ERMARD: variants seen among roughly 807,000 people sequenced by gnomAD.
ERMARD encodes the protein ER membrane associated RNA degradation.
Under a neutral mutation model 83.9 loss-of-function variants are expected in ERMARD, and 71 were observed. That is an observed-to-expected ratio of 0.85 (90% CI 0.70 to 1.03). The LOEUF (loss-of-function observed/expected upper bound fraction) is 1.03, where lower values mean the gene tolerates loss of function less well. Ranked by LOEUF, ERMARD falls within the 50% of genes least tolerant of loss-of-function variation. The pLI is 0.00. For missense variants in ERMARD, 838 were observed against 810.9 expected (o/e 1.03, Z -0.41); for synonymous variants, 284 against 298.6 (o/e 0.95, Z 0.50).
chr6:169,781,063 T>C (rs1794148077), intron 17 of ERMARD, among the ~76,000 whole-genome samples: 1 of 152,206 alleles, frequency 6.6e-6, no homozygotes. Flanking sequence ...ACGGCCGTCA[T>C]GTCTGGGCTG....
At chr6:169,760,893 A>G in intron 8 of ERMARD, 137 bp downstream of exon 8, 1 of 538,262 alleles carries the variant, frequency 1.9e-6, no homozygotes. Flanking sequence ...ACCTGAAAAT[A>G]AAACACCTTC....
chr6:169,752,763 C>T (rs1167623051), intron 1 of ERMARD, among the ~76,000 whole-genome samples: 1 of 152,112 alleles, frequency 6.6e-6, no homozygotes, highest in African/African-American at 2.4e-5. Context: ...CAGGTTTATA[C>T]GATGGTCTTA....
At chr6:169,769,997 A>T (rs1391436427) in intron 12 of ERMARD, among the ~76,000 whole-genome samples, 4 of 152,242 alleles carry the variant, frequency 2.6e-5, no homozygotes, top group Non-Finnish European at 5.9e-5. Context: ...ACAAATTATA[A>T]AACAGGATTA....
chr6:169,752,853 A>G (rs1344985663), intron 1 of ERMARD, among the ~76,000 whole-genome samples: 1 of 152,242 alleles, frequency 6.6e-6, no homozygotes, highest in African/African-American at 2.4e-5. Context: ...TACTTTTTAC[A>G]TGGCAGGGAA....
chr6:169,758,946 T>G, intron 5 of ERMARD, 22 bp from the exon 6 acceptor site: 1 of 1,586,788 alleles, frequency 6.3e-7, no homozygotes, highest in Middle Eastern at 1.7e-4. Flanking sequence ...TATAATTAAC[T>G]ATGTAATGAT....
chr6:169,753,793 G>A (rs1428142972), intron 1 of ERMARD, 71 bp from the exon 2 acceptor site: 2 of 1,211,938 alleles, frequency 1.7e-6, no homozygotes, highest in African/African-American at 1.5e-5. Context: ...CTTAAGAGAT[G>A]TGTCTGAAAT....
chr6:169,751,553 C>A (rs1790079068), upstream of ERMARD: 3 of 1,610,082 alleles, frequency 1.9e-6, no homozygotes, highest in Non-Finnish European at 2.5e-6. Flanking sequence ...CTCCCACCTG[C>A]GCCTCGTACG....
At chr6:169,762,102 T>A (rs1791626984) in intron 8 of ERMARD, among the ~76,000 whole-genome samples, 1 of 152,210 alleles carries the variant, frequency 6.6e-6, no homozygotes. Flanking sequence ...GCTTGTTTTT[T>A]ACTTAGAGAG....
chr6:169,776,054 TC>T lies in ERMARD; in HGVS notation c.1511del (p.Pro504LeufsTer53), dbSNP rs1328981245. On this transcript the variant is annotated frameshift_variant, in exon 15 of 18. Transcript: ENST00000366773. LOFTEE classifies it high-confidence loss of function. ...GTGTGTTAAAGGACTTGGATCGTCT[TC>T]CTACTGAGACGTAAGTTCCAGGACA... ...RCVLKDLDRLPTETWPQLLRE... is the reference protein window; with the variant it reads ...RCVLKDLDRLXTETWPQLLRE... 5 of 1,613,856 alleles carry T rather than the reference TC, an allele frequency of 3.1e-6. No homozygotes were observed. Among genetic ancestry groups the T allele is most frequent in the South Asian group, 1.1e-5 (1 of 90,892 alleles).
chr6:169,770,554 G>A (rs987190494), intron 12 of ERMARD: 7 of 152,056 alleles, frequency 4.6e-5, no homozygotes, highest in African/African-American at 1.7e-4. Flanking sequence ...GGGCACTTAC[G>A]TAAATACTCT....
chr6:169,753,564 C>G (rs1466765447), intron 1 of ERMARD, among the ~76,000 whole-genome samples: 1 of 151,282 alleles, frequency 6.6e-6, no homozygotes, highest in African/African-American at 2.4e-5. Context: ...AAGTGAAAGG[C>G]AAGTTTATTA....
intron 8 of ERMARD, 77 bp from the exon 9 acceptor site, chr6:169,762,352 G>A: frequency 7.4e-7 from 1 of 1,346,266 alleles, no homozygotes; most frequent in Non-Finnish European, 1.1e-6. Context: ...TGGGATTACA[G>A]GCATGAGCCA....
At chr6:169,751,838 C>G in intron 1 of ERMARD, 175 bp downstream of exon 1, 1 of 974,006 alleles carries the variant, frequency 1.0e-6, no homozygotes, top group African/African-American at 1.7e-5. Context: ...CGGTATCGGA[C>G]GCTCGGCCCT....
intron 13 of ERMARD, 69 bp downstream of exon 13, chr6:169,773,471 C>G (rs903198434): frequency 6.1e-6 from 9 of 1,486,776 alleles, no homozygotes; most frequent in Admixed American, 3.4e-5. Context: ...TGCAGAGATG[C>G]TGGAAGGGTG....
chr6:169,759,798 TGAGTACATTTTTGTAACA>T, intron 6 of ERMARD, 22 bp from the exon 7 acceptor site: 1 of 1,555,036 alleles, frequency 6.4e-7, no homozygotes, highest in Non-Finnish European at 8.8e-7. Context: ...TAGGCATGAT[TGAGTACATTTTTGTAACA>T]GATCTCTATG....
chr6:169,777,220 T>C (rs1373168148), intron 16 of ERMARD, among the ~76,000 whole-genome samples: 2 of 152,208 alleles, frequency 1.3e-5, no homozygotes, highest in East Asian at 1.9e-4. Context: ...AGCAATCATA[T>C]AGGCATTTGT....
At chr6:169,766,573 G>T (rs1792236493) in intron 9 of ERMARD, 65 bp from the exon 10 acceptor site, 2 of 1,355,234 alleles carry the variant, frequency 1.5e-6, no homozygotes, top group South Asian at 1.5e-5. Flanking sequence ...TTCTTATTTT[G>T]CATAGTGTTA....
chr6:169,775,890 ATG>A, intron 14 of ERMARD, 48 bp from the exon 15 acceptor site: 1 of 1,604,234 alleles, frequency 6.2e-7, no homozygotes. Context: ...ACAGGCACTG[ATG>A]TGAGCACTTT....
intron 13 of ERMARD, among the ~76,000 whole-genome samples, chr6:169,774,158 A>AC (rs1793307631): frequency 6.6e-6 from 1 of 152,194 alleles, no homozygotes; most frequent in Non-Finnish European, 1.5e-5. Context: ...ACACAGTGAA[A>AC]CCCCATCTCT....
Sources: allele counts gnomAD v4.1 joint callset (sites outside exome capture counted in the v4.1 genomes callset), GRCh38; gene constraint gnomAD v4.1.1; transcripts MANE v1.5; gene names NCBI Gene and HGNC (gene_info 2026-07-23, HGNC 2026-07-21).